The following GDAP2 variants were observed in gnomAD, a reference collection of about 807,000 sequenced individuals.
The protein encoded by GDAP2 is ganglioside-induced differentiation-associated protein 2.
In GDAP2, 51 loss-of-function variants were observed where a neutral mutation model predicts 67.0. That is an observed-to-expected ratio of 0.76 (90% confidence interval 0.61 to 0.96). The LOEUF (loss-of-function observed/expected upper bound fraction) is 0.96, where lower values mean the gene tolerates loss of function less well. Among genes scored for constraint, GDAP2 ranks in the 40% least tolerant of loss-of-function variants. The probability of loss-of-function intolerance (pLI) is 0.00; values close to 1 mark genes in which losing one functional copy is unlikely to be tolerated. For synonymous variants in GDAP2, 203 were observed against 207.3 expected, an observed-to-expected ratio of 0.98 and a Z score of 0.18; for missense variants, 547 against 588.3, an observed-to-expected ratio of 0.93 and a Z score of 0.73.
intron 3 of GDAP2, among the ~76,000 whole-genome samples, chr1:117,916,553 A>T (rs1030696494): frequency 6.6e-6 from 1 of 152,210 alleles, no homozygotes; most frequent in African/African-American, 2.4e-5. Context: ...GAATGGATGT[A>T]AGGAGACCAG....
At chr1:117,897,630 A>T (rs945713383) in intron 7 of GDAP2, among the ~76,000 whole-genome samples, 1 of 152,240 alleles carries the variant, frequency 6.6e-6, no homozygotes, top group Non-Finnish European at 1.5e-5. Context: ...GATTAGTAGA[A>T]ATCAGTCTCT....
chr1:117,928,079 GTTTT>G (rs1199154698), intron 1 of GDAP2, among the ~76,000 whole-genome samples: 1 of 152,050 alleles, frequency 6.6e-6, no homozygotes, highest in Non-Finnish European at 1.5e-5. Context: ...TATTAAGATA[GTTTT>G]TTAAGAAAAG....
chr1:117,922,323 G>C (rs1429945376), intron 1 of GDAP2, among the ~76,000 whole-genome samples: 2 of 152,174 alleles, frequency 1.3e-5, no homozygotes, highest in Non-Finnish European at 2.9e-5. Flanking sequence ...CAGAAAGTGA[G>C]AGAGAGAAGG....
intron 13 of GDAP2, among the ~76,000 whole-genome samples, chr1:117,874,385 T>C (rs1440811890): frequency 6.6e-6 from 1 of 152,194 alleles, no homozygotes; most frequent in Non-Finnish European, 1.5e-5. Flanking sequence ...CCATGTGATC[T>C]CTACACCCAC....
chr1:117,901,630 C>G (rs1649472700), intron 6 of GDAP2, among the ~76,000 whole-genome samples: 6 of 152,138 alleles, frequency 3.9e-5, no homozygotes, highest in Admixed American at 3.9e-4. Context: ...GTGTGGAGCA[C>G]CTTTTCAGTG....
rs983372703 is a variant in GDAP2 at position 117,865,957 on chromosome 1, A to G, written c.*4612T>C. On this transcript the variant is annotated 3_prime_UTR_variant, in exon 14 of 14. Transcript: ENST00000369443. ...ACAGAAGTCCGACTCAAAGAATGTAAAACAAGGCAGATTATGCATATATGT... is the reference window on the plus strand; with the variant it reads ...ACAGAAGTCCGACTCAAAGAATGTAGAACAAGGCAGATTATGCATATATGT... The G allele has an allele frequency of 2.6e-5, 4 of 152,250 alleles. No individual in the cohort carries two copies. Among genetic ancestry groups the G allele is most frequent in the Non-Finnish European group, 5.9e-5 (4 of 68,056 alleles). 9.4% of individuals were successfully genotyped at this position (152,250 alleles called of 1,614,324 possible).
At chr1:117,871,539 A>G (rs990914949) in intron 13 of GDAP2, among the ~76,000 whole-genome samples, 1 of 152,214 alleles carries the variant, frequency 6.6e-6, no homozygotes, top group Non-Finnish European at 1.5e-5. Context: ...TCTTCATGGT[A>G]CATTTACATT....
At position 117,864,881 on chromosome 1, in the gene GDAP2, T is replaced by C. The variant is rs1310012697; in HGVS notation, c.*5688A>G. The C allele has an allele frequency of 1.3e-5, 2 of 152,158 alleles. No individual in the cohort carries two copies. Among genetic ancestry groups the C allele is most frequent in the Non-Finnish European group, 2.9e-5 (2 of 68,022 alleles). The allele number at this position is 152,158 out of a possible 1,614,324, so 9.4% of individuals were successfully genotyped here. A position where few individuals can be genotyped will look rare whatever the true frequency, so the allele number is the denominator to read the frequency against. On this transcript the variant is annotated 3_prime_UTR_variant, in exon 14 of 14. Transcript: ENST00000369443. ...TTTGTAAGAGCATTAGAAGAGACGA[T>C]GAACGTTAGAGTGCCTGGACCACAG...
In GDAP2 at chr1:117,885,242, C is replaced by A. The variant is rs534170475; in HGVS notation, c.1107+1335G>T. On this transcript the variant is annotated intron_variant, in intron 10 of 13. Transcript: ENST00000369443. The stretch of plus-strand genomic sequence containing the variant: ...TCATCTTCTTTCTGTCCATTCTCCA[C>A]CCCCCACCCCAGGGCAATTAGGATA... Among the ~76,000 whole-genome samples, 1,405 of 152,074 alleles carry A rather than the reference C, an allele frequency of 9.2e-3. 10 individuals carry two copies. Among genetic ancestry groups the A allele is most frequent in the Non-Finnish European group, 0.015 (1,027 of 67,964 alleles).
chr1:117,912,041 G>C lies in GDAP2; in HGVS notation c.512C>G (p.Ser171Cys). The change falls in exon 5 of 14, where the codon TCT becomes TGT. Residue 171 changes from serine to cysteine, a missense_variant. Transcript: ENST00000369443. ...CTCTAAAGGATAACCACGTTTTGCA[G>C]AATTGATGACACAGAAGCCAACAGA... Reference protein sequence around the residue: ...MSSVGFCVINSAKRGYPLEDA... With the variant: ...MSSVGFCVINCAKRGYPLEDA... 2 of 1,610,886 alleles carry C rather than the reference G, an allele frequency of 1.2e-6. No individual in the cohort carries two copies. Among genetic ancestry groups the C allele is most frequent in the South Asian group, 1.1e-5 (1 of 91,008 alleles).
chr1:117,869,740 CA>C lies in GDAP2; in HGVS notation c.*828del, dbSNP rs1157443591. ...AGAGGTAGTAGACCTGATAGCTAAA[CA>C]AAATCATTCATGACTCTGGAAGACA... On this transcript the variant is annotated 3_prime_UTR_variant, in exon 14 of 14. Transcript: ENST00000369443. The C allele has an allele frequency of 6.6e-6, 1 of 152,654 alleles. No individual in the cohort carries two copies. Among genetic ancestry groups the C allele is most frequent in the African/African-American group, 2.4e-5 (1 of 41,458 alleles). The allele number at this position is 152,654 out of a possible 1,614,324, so 9.5% of individuals were successfully genotyped here.
rs1368994827 is a variant in GDAP2 at position 117,869,179 on chromosome 1, G to A, written c.*1390C>T. The A allele has an allele frequency of 1.3e-5, 2 of 151,998 alleles. No homozygotes were observed. The highest frequency in any genetic ancestry group is 4.8e-5 in the African/African-American group (2 of 41,308). 9.4% of individuals were successfully genotyped at this position (151,998 alleles called of 1,614,324 possible). On this transcript the variant is annotated 3_prime_UTR_variant, in exon 14 of 14. Coordinates refer to ENST00000369443, the MANE Select transcript of GDAP2 (RefSeq NM_017686.4). ...GATGGGGTGAGGAAGATGGGGCTGT[G>A]GGGAGGTGGCTGTAGGAATCAAAAA... is the stretch of plus-strand genomic sequence containing the variant.
At chr1:117,917,417 C>T (rs1390462791) in intron 3 of GDAP2, among the ~76,000 whole-genome samples, 2 of 152,218 alleles carry the variant, frequency 1.3e-5, no homozygotes, top group African/African-American at 4.8e-5. Flanking sequence ...CACCTAATAA[C>T]TAATACTTGT....
intron 1 of GDAP2, among the ~76,000 whole-genome samples, chr1:117,927,386 G>T (rs1020132826): frequency 6.6e-6 from 1 of 151,924 alleles, no homozygotes; most frequent in African/African-American, 2.4e-5. Flanking sequence ...TTTTTTTCTG[G>T]ATAGAAAGAA....
chr1:117,923,083 C>T (rs1421724200), intron 1 of GDAP2, among the ~76,000 whole-genome samples: 1 of 152,220 alleles, frequency 6.6e-6, no homozygotes, highest in Non-Finnish European at 1.5e-5. Flanking sequence ...TGGCTCTGTC[C>T]TGCCCTGCCC....
chr1:117,877,662 T>C (rs939863756), intron 13 of GDAP2: 2 of 1,019,502 alleles, frequency 2.0e-6, no homozygotes, highest in Admixed American at 1.2e-4. Flanking sequence ...CAATAAATTC[T>C]TCTGGCTCTG....
rs1461522715 is a variant in GDAP2, at chr1:117,929,603, G to T, written c.-223C>A. The T allele has an allele frequency of 6.6e-6, 1 of 152,310 alleles. No individual in the cohort carries two copies. The highest frequency in any genetic ancestry group is 1.5e-5 in the Non-Finnish European group (1 of 68,112). 9.4% of individuals were successfully genotyped at this position (152,310 alleles called of 1,614,324 possible). On this transcript the variant is annotated 5_prime_UTR_variant, in exon 1 of 14. Transcript: ENST00000369443. Reference sequence around the variant, plus strand: ...TGGAGTGACCAGCTGCAAATGCTCTGGGCTGCGAAACACCGGCTTCCGCTC... The same window carrying T: ...TGGAGTGACCAGCTGCAAATGCTCTTGGCTGCGAAACACCGGCTTCCGCTC...
At chr1:117,887,207 G>T (rs921807566) in intron 9 of GDAP2, among the ~76,000 whole-genome samples, 18 of 152,076 alleles carry the variant, frequency 1.2e-4, no homozygotes, top group Admixed American at 2.0e-4. Flanking sequence ...TGCAATTACA[G>T]ATATGAGCCA....
chr1:117,925,220 A>G (rs1159005200), intron 1 of GDAP2, among the ~76,000 whole-genome samples: 2 of 152,184 alleles, frequency 1.3e-5, no homozygotes, highest in African/African-American at 4.8e-5. Flanking sequence ...TGGGAGGCTG[A>G]GGCGGGGAGA....
Sources: gnomAD v4.1 joint callset for allele counts (sites outside exome capture counted in the v4.1 genomes callset) on GRCh38, gnomAD v4.1.1 for gene constraint, MANE v1.5 for transcripts, NCBI Gene and HGNC (gene_info 2026-07-23, HGNC 2026-07-21) for gene names.